The following ADGB variants were observed in gnomAD, a reference collection of about 807,000 sequenced individuals.
ADGB encodes the protein calpain-7-like protein.
ADGB carries 172 observed loss-of-function variants against 210.5 expected under a neutral mutation model. The observed-to-expected ratio is 0.82, with a 90% CI of 0.72 to 0.93. The LOEUF (loss-of-function observed/expected upper bound fraction) is 0.93. ADGB is among the 40% of genes least tolerant of loss of function. ADGB has a pLI of 0.00. For missense variants in ADGB, 2,025 were observed against 1,964.8 expected, an observed-to-expected ratio of 1.03 and a Z score of -0.58; for synonymous variants, 658 against 662.7, an observed-to-expected ratio of 0.99 and a Z score of 0.11.
intron 12 of ADGB, among the ~76,000 whole-genome samples, chr6:146,693,725 TAAG>T (rs541342817): frequency 1.0e-3 from 157 of 152,272 alleles, no homozygotes; most frequent in Non-Finnish European, 2.1e-3. Flanking sequence ...CATTTTACTA[TAAG>T]GAGTCAAGAG....
At chr6:146,653,693 T>C (rs1000741415) in intron 3 of ADGB, among the ~76,000 whole-genome samples, 2 of 152,016 alleles carry the variant, frequency 1.3e-5, no homozygotes, top group African/African-American at 4.8e-5. Context: ...CCCCATGACG[T>C]AAGTTTACCT....
At chr6:146,808,510 T>C (rs1583650125) in intron 35 of ADGB, among the ~76,000 whole-genome samples, 3 of 152,184 alleles carry the variant, frequency 2.0e-5, no homozygotes, top group Admixed American at 2.0e-4. Flanking sequence ...TGTTATACCC[T>C]AGTCTTAGAA....
intron 5 of ADGB, among the ~76,000 whole-genome samples, chr6:146,660,040 A>G (rs1317491566): frequency 2.0e-5 from 3 of 152,166 alleles, no homozygotes; most frequent in Non-Finnish European, 4.4e-5. Flanking sequence ...ATGTTATTCT[A>G]GAATTCAGAG....
At chr6:146,730,018 A>G (rs1035985042) in intron 20 of ADGB, among the ~76,000 whole-genome samples, 1 of 152,178 alleles carries the variant, frequency 6.6e-6, no homozygotes, top group Non-Finnish European at 1.5e-5. Flanking sequence ...GCATTGCCAG[A>G]TTTAGCAAAT....
chr6:146,672,261 T>C lies in ADGB; in HGVS notation c.881T>C (p.Ile294Thr), dbSNP rs748286575. 3.9e-5 allele frequency: 60 copies of C among 1,546,720 alleles called. No homozygotes were observed. The Middle Eastern group carries it at 5.0e-4, about 13-fold the overall frequency. The change falls in exon 8 of 36, where the codon ATA becomes ACA. Residue 294 changes from isoleucine (I) to threonine (T), a missense_variant. By Grantham distance (89) the Ile-to-Thr change is moderately conservative. Transcript: ENST00000397944. ...MDKVWELLKE[I>T]LPEFKLSDEA... ...AAAGTTTGGGAGCTCCTGAAAGAAATATTGCCTGAGTTTAAGCTGTCAGAT... is the reference window on the plus strand; with the variant it reads ...AAAGTTTGGGAGCTCCTGAAAGAAACATTGCCTGAGTTTAAGCTGTCAGAT...
chr6:146,670,766 C>T (rs1462609980), intron 7 of ADGB, among the ~76,000 whole-genome samples: 1 of 151,888 alleles, frequency 6.6e-6, no homozygotes, highest in Non-Finnish European at 1.5e-5. Context: ...AACAGTGACA[C>T]GGAATGACTG....
At position 146,783,316 on chromosome 6, in the gene ADGB, T is replaced by C. The variant is rs535541975; in HGVS notation, c.4035+1124T>C. Among the ~76,000 whole-genome samples the C allele has an allele frequency of 2.0e-5, 3 of 152,200 alleles. No homozygotes were observed. The South Asian group carries it at 6.2e-4, about 32-fold the overall frequency. On this transcript the variant is annotated intron_variant, in intron 30 of 35. Transcript: ENST00000397944. The stretch of plus-strand genomic sequence containing the variant: ...AAAATTAACAAATAAGAAGAGATGA[T>C]GACTTGTTGTTTCAGACTCCAGGAA...
intron 6 of ADGB, among the ~76,000 whole-genome samples, chr6:146,664,856 T>C (rs1415310673): frequency 6.6e-6 from 1 of 152,092 alleles, no homozygotes; most frequent in African/African-American, 2.4e-5. Context: ...TTTTCTTCAG[T>C]ATTCTTACAA....
intron 1 of ADGB, among the ~76,000 whole-genome samples, chr6:146,610,179 G>T (rs1197554626): frequency 6.6e-6 from 1 of 152,144 alleles, no homozygotes; most frequent in Non-Finnish European, 1.5e-5. Flanking sequence ...GAATTTTTCA[G>T]CTCTATCAGA....
chr6:146,809,398 G>A (rs570046433), intron 35 of ADGB, among the ~76,000 whole-genome samples: 3 of 152,126 alleles, frequency 2.0e-5, no homozygotes, highest in Non-Finnish European at 4.4e-5. Flanking sequence ...AGAGACGGGG[G>A]TTTCACCAGG....
chr6:146,773,921 C>T (rs753298160), intron 29 of ADGB, among the ~76,000 whole-genome samples: 4 of 152,120 alleles, frequency 2.6e-5, no homozygotes, highest in South Asian at 2.1e-4. Context: ...ATTACTACAG[C>T]ATTGTCATTT....
chr6:146,803,239 C>T (rs1485237420), intron 35 of ADGB: 8 of 1,567,554 alleles, frequency 5.1e-6, no homozygotes, highest in Non-Finnish European at 7.0e-6. Flanking sequence ...CTGAACAAAA[C>T]TTGGACCATT....
intron 13 of ADGB, among the ~76,000 whole-genome samples, chr6:146,709,265 G>A (rs1776622836): frequency 6.6e-6 from 1 of 152,020 alleles, no homozygotes; most frequent in African/African-American, 2.4e-5. Flanking sequence ...CTTTTGGTGG[G>A]GTCATGTTTC....
intron 27 of ADGB, among the ~76,000 whole-genome samples, chr6:146,762,662 G>GGGCAGTT (rs2114623749): frequency 1.3e-5 from 2 of 152,020 alleles, no homozygotes; most frequent in East Asian, 3.9e-4. Context: ...TTGTTCTGGC[G>GGGCAGTT]GGCAGTTAAT....
At chr6:146,733,585 T>G (rs1400312053) in intron 21 of ADGB, among the ~76,000 whole-genome samples, 3 of 152,222 alleles carry the variant, frequency 2.0e-5, no homozygotes, top group Non-Finnish European at 4.4e-5. Context: ...AACCCTACTT[T>G]TCTCTCTTCT....
intron 33 of ADGB, among the ~76,000 whole-genome samples, chr6:146,790,159 C>T (rs1055952741): frequency 6.6e-6 from 1 of 151,934 alleles, no homozygotes; most frequent in African/African-American, 2.4e-5. Context: ...ATATTCATTA[C>T]CTCAAATACT....
chr6:146,610,765 G>C (rs1780697019), intron 1 of ADGB, among the ~76,000 whole-genome samples: 1 of 152,132 alleles, frequency 6.6e-6, no homozygotes, highest in Admixed American at 6.5e-5. Context: ...TCCAATGGGG[G>C]GTGGTTCACA....
At chr6:146,788,641 A>G in intron 33 of ADGB, 31 bp downstream of exon 33, 5 of 1,523,964 alleles carry the variant, frequency 3.3e-6, no homozygotes, top group Non-Finnish European at 4.4e-6. Context: ...TAACATAAAC[A>G]TGTATTTTCA....
At chr6:146,675,661 A>C (rs904853418) in intron 8 of ADGB, among the ~76,000 whole-genome samples, 1 of 152,162 alleles carries the variant, frequency 6.6e-6, no homozygotes, top group African/African-American at 2.4e-5. Flanking sequence ...CTGTCTCAGA[A>C]TTGAGACAGA....
Sources: gnomAD v4.1 joint callset for allele counts (sites outside exome capture counted in the v4.1 genomes callset) on GRCh38, gnomAD v4.1.1 for gene constraint, MANE v1.5 for transcripts, NCBI Gene and HGNC (gene_info 2026-07-23, HGNC 2026-07-21) for gene names.